ARHGEF3: variants seen among roughly 807,000 people sequenced by gnomAD.
ARHGEF3 encodes Rho guanine nucleotide exchange factor 3.
Under a neutral mutation model 63.2 loss-of-function variants are expected in ARHGEF3, and 28 were observed. The observed-to-expected ratio is 0.44, with a 90% CI of 0.33 to 0.61. ARHGEF3 has a LOEUF of 0.61. Among genes scored for constraint, ARHGEF3 ranks in the 20% least tolerant of loss-of-function variants. The pLI is 0.03. For missense variants in ARHGEF3, 533 were observed against 659.3 expected (o/e 0.81, Z 2.10); for synonymous variants, 266 against 254.2 (o/e 1.05, Z -0.44).
At chr3:56,742,634 T>C (rs1347952294) in intron 7 of ARHGEF3, among the ~76,000 whole-genome samples, 2 of 152,132 alleles carry the variant, frequency 1.3e-5, no homozygotes, top group East Asian at 3.9e-4. Context: ...ATTCTGTTCA[T>C]GTGGGGTAAT....
At chr3:56,756,876 G>A (rs1272738265) in intron 2 of ARHGEF3, among the ~76,000 whole-genome samples, 1 of 151,970 alleles carries the variant, frequency 6.6e-6, no homozygotes, top group Non-Finnish European at 1.5e-5. Context: ...AACTGCCCTC[G>A]GGATGTAACT....
At chr3:56,773,935 T>C (rs2036150879) in intron 1 of ARHGEF3, 119 bp from the exon 2 acceptor site, 2 of 801,390 alleles carry the variant, frequency 2.5e-6, no homozygotes, top group South Asian at 1.9e-5. Context: ...ATCTATGGAA[T>C]ATAAAGTGTC....
At chr3:57,008,342 A>G (rs1223226655) in intron 2 of ARHGEF3, among the ~76,000 whole-genome samples, 1 of 152,070 alleles carries the variant, frequency 6.6e-6, no homozygotes, top group Admixed American at 6.6e-5. Flanking sequence ...AGCTCCACAG[A>G]GCAGTTTGGA....
intron 2 of ARHGEF3, among the ~76,000 whole-genome samples, chr3:57,019,428 G>A (rs1471925933): frequency 6.6e-6 from 1 of 152,072 alleles, no homozygotes; most frequent in Non-Finnish European, 1.5e-5. Flanking sequence ...TTCCTAGGGA[G>A]GAGATGAGGA....
intron 4 of ARHGEF3, among the ~76,000 whole-genome samples, chr3:56,815,021 A>G (rs1305881407): frequency 6.6e-6 from 1 of 152,142 alleles, no homozygotes; most frequent in East Asian, 1.9e-4. Flanking sequence ...GCATATGCCT[A>G]TGGTGACAGC....
chr3:56,732,874 G>A (rs1214018365), intron 8 of ARHGEF3, among the ~76,000 whole-genome samples: 1 of 152,220 alleles, frequency 6.6e-6, no homozygotes, highest in Non-Finnish European at 1.5e-5. Flanking sequence ...CAGGCCGGAT[G>A]TGGTGGCTCA....
chr3:56,765,920 T>C (rs771299791), intron 2 of ARHGEF3, among the ~76,000 whole-genome samples: 1 of 151,964 alleles, frequency 6.6e-6, no homozygotes, highest in African/African-American at 2.4e-5. Flanking sequence ...AATTCTTACA[T>C]ACTGGGGAAA....
At chr3:57,062,187 T>C (rs1223145647) in intron 1 of ARHGEF3, among the ~76,000 whole-genome samples, 1 of 152,080 alleles carries the variant, frequency 6.6e-6, no homozygotes, top group African/African-American at 2.4e-5. Context: ...TGTGACTAGA[T>C]CCAAAGGCAA....
chr3:56,866,837 G>A (rs1341559739), intron 4 of ARHGEF3, among the ~76,000 whole-genome samples: 1 of 152,186 alleles, frequency 6.6e-6, no homozygotes, highest in African/African-American at 2.4e-5. Flanking sequence ...ACAGTGGGAT[G>A]TTTTTCATTT....
chr3:56,815,878 C>A (rs1363689386), intron 4 of ARHGEF3, among the ~76,000 whole-genome samples: 2 of 152,146 alleles, frequency 1.3e-5, no homozygotes, highest in South Asian at 4.1e-4. Flanking sequence ...GGGCTGCTTG[C>A]ATCTAAGTGG....
intron 3 of ARHGEF3, among the ~76,000 whole-genome samples, chr3:56,938,270 G>A (rs1047100455): frequency 6.6e-6 from 1 of 152,064 alleles, no homozygotes; most frequent in African/African-American, 2.4e-5. Flanking sequence ...AAAAATCAAG[G>A]AAGAAAAGAA....
chr3:56,941,753 T>G (rs1699199246), intron 3 of ARHGEF3, among the ~76,000 whole-genome samples: 1 of 152,256 alleles, frequency 6.6e-6, no homozygotes, highest in Admixed American at 6.5e-5. Flanking sequence ...TTGTTGTTCA[T>G]CAGTGACGAG....
At chr3:56,930,359 C>T (rs2042378658) in intron 3 of ARHGEF3, among the ~76,000 whole-genome samples, 1 of 152,130 alleles carries the variant, frequency 6.6e-6, no homozygotes, top group African/African-American at 2.4e-5. Context: ...ATGTTTTGAA[C>T]TCCTCCTATT....
chr3:56,959,705 C>T (rs1161372010), intron 2 of ARHGEF3, among the ~76,000 whole-genome samples: 3 of 152,144 alleles, frequency 2.0e-5, no homozygotes, highest in Non-Finnish European at 4.4e-5. Context: ...TGGCCAGGTG[C>T]GGTGGCTCAC....
intron 2 of ARHGEF3, among the ~76,000 whole-genome samples, chr3:56,757,815 C>T (rs56071398): frequency 2.6e-5 from 4 of 151,512 alleles, no homozygotes; most frequent in African/African-American, 7.3e-5. Flanking sequence ...CTCCGCCTCC[C>T]GGGTTCACAC....
At chr3:57,076,968 CT>C (rs754427831) in intron 1 of ARHGEF3, 20 of 151,950 alleles carry the variant, frequency 1.3e-4, no homozygotes, top group Non-Finnish European at 2.5e-4. Context: ...GTGATAGAAA[CT>C]AATGGGGGAG....
chr3:56,810,095 T>C (rs1338587251), intron 4 of ARHGEF3, among the ~76,000 whole-genome samples: 1 of 152,188 alleles, frequency 6.6e-6, no homozygotes, highest in Admixed American at 6.5e-5. Context: ...GGGTTTCGTA[T>C]AGTAACCATT....
At chr3:56,937,709 AG>A (rs979010988) in intron 3 of ARHGEF3, among the ~76,000 whole-genome samples, 8 of 152,172 alleles carry the variant, frequency 5.3e-5, no homozygotes, top group African/African-American at 1.9e-4. Context: ...GTTTGTTTTT[AG>A]GGGGTAGGCT....
intron 2 of ARHGEF3, among the ~76,000 whole-genome samples, chr3:57,006,675 C>T (rs977488220): frequency 6.6e-5 from 10 of 152,164 alleles, no homozygotes; most frequent in African/African-American, 2.2e-4. Context: ...AGAAAATGCT[C>T]GTGTATCAGT....
Sources: gnomAD v4.1 joint callset for allele counts (sites outside exome capture counted in the v4.1 genomes callset) on GRCh38, gnomAD v4.1.1 for gene constraint, MANE v1.5 for transcripts, NCBI Gene and HGNC (gene_info 2026-07-23, HGNC 2026-07-21) for gene names.